Variants in BCAS3 observed in about 807,000 individuals in gnomAD.
BCAS3 encodes the protein BCAS3 microtubule associated cell migration factor, also known as BCAS4/BCAS3 fusion.
In BCAS3, 53 loss-of-function variants were observed where a neutral mutation model predicts 116.1. The observed-to-expected ratio is 0.46, with a 90% confidence interval of 0.37 to 0.57. The LOEUF (loss-of-function observed/expected upper bound fraction) is 0.57, where lower values mean the gene tolerates loss of function less well. Among genes scored for constraint, BCAS3 ranks in the 20% least tolerant of loss-of-function variants. BCAS3 has a pLI of 0.00. For synonymous variants in BCAS3, 391 were observed against 408.2 expected (o/e 0.96, Z 0.51); for missense variants, 917 against 1,165.4 (o/e 0.79, Z 3.10).
Position 61,132,642 on chromosome 17 carries a change from C to T in BCAS3, c.2425+48078C>T, listed in dbSNP as rs544344762. The stretch of plus-strand genomic sequence containing the variant: ...GAGAAAGATAAAGTGCCTTGGAAGC[C>T]GTGAAACATTCTAGGGAGCAAGAGC... On this transcript the variant is annotated intron_variant, in intron 22 of 23. Coordinates refer to ENST00000407086, the MANE Select transcript of BCAS3 (RefSeq NM_017679.5). The surrounding 1 kb of genome is among the most constrained non-coding windows in gnomAD (Gnocchi z 5.1). Among the ~76,000 whole-genome samples the T allele has an allele frequency of 2.0e-5, 3 of 152,280 alleles. No individual in the cohort carries two copies. The highest frequency in any genetic ancestry group is 1.9e-4 in the East Asian group (1 of 5,180).
At chr17:61,207,742 A>G (rs1291177455) in intron 22 of BCAS3, among the ~76,000 whole-genome samples, 1 of 152,120 alleles carries the variant, frequency 6.6e-6, no homozygotes, top group Non-Finnish European at 1.5e-5. Flanking sequence ...AATCCAGAGG[A>G]GAAAATCCGC....
chr17:60,953,450 T>C (rs929621584), intron 14 of BCAS3, among the ~76,000 whole-genome samples: 9 of 152,152 alleles, frequency 5.9e-5, no homozygotes, highest in Non-Finnish European at 1.3e-4. Flanking sequence ...AAAGTTCTTA[T>C]AGATGGTGGA....
Position 61,337,225 on chromosome 17 carries a change from G to A in BCAS3, c.2426-31102G>A, listed in dbSNP as rs1313506864. Reference sequence around the variant, plus strand: ...CGCCTCACCCGAGTGGAACAGGGACGTGAGCCATGTCAGTGTCTGTAAATA... The same window carrying A: ...CGCCTCACCCGAGTGGAACAGGGACATGAGCCATGTCAGTGTCTGTAAATA... On this transcript the variant is annotated intron_variant, in intron 22 of 23. Transcript: ENST00000407086. The surrounding 1 kb of genome is among the most constrained non-coding windows in gnomAD (Gnocchi z 4.8). Among the ~76,000 whole-genome samples, 1 of 152,190 alleles carries A rather than the reference G, an allele frequency of 6.6e-6. No homozygotes were observed. Among genetic ancestry groups the A allele is most frequent in the Non-Finnish European group, 1.5e-5 (1 of 68,040 alleles).
chr17:60,876,908 A>G (rs2055662066), intron 9 of BCAS3, among the ~76,000 whole-genome samples: 2 of 152,122 alleles, frequency 1.3e-5, no homozygotes, highest in Admixed American at 6.5e-5. Context: ...AAAAATATTA[A>G]TGATTTTTTT....
intron 23 of BCAS3, among the ~76,000 whole-genome samples, chr17:61,375,246 G>GTGCGCGCGCGCGCGCGCGCACA (rs1555861734): frequency 1.3e-5 from 2 of 150,664 alleles, no homozygotes; most frequent in African/African-American, 5.0e-5. Flanking sequence ...GTGTGTGTGT[G>GTGCGCGCGCGCGCGCGCGCACA]TGTGTGTGTA....
At chr17:60,928,871 C>T (rs773549653) in intron 13 of BCAS3, among the ~76,000 whole-genome samples, 182 of 152,096 alleles carry the variant, frequency 1.2e-3, no homozygotes, top group Non-Finnish European at 2.4e-3. Flanking sequence ...TTCATATTTA[C>T]TCTTCTAACC....
intron 19 of BCAS3, among the ~76,000 whole-genome samples, chr17:61,069,550 C>T (rs1300216091): frequency 6.6e-6 from 1 of 152,082 alleles, no homozygotes; most frequent in African/African-American, 2.4e-5. Context: ...GAAAGGAAAA[C>T]TTTCAGGCCA....
At chr17:60,776,599 A>G (rs2045310252) in intron 6 of BCAS3, among the ~76,000 whole-genome samples, 1 of 151,766 alleles carries the variant, frequency 6.6e-6, no homozygotes, top group African/African-American at 2.4e-5. Context: ...TGCACCTGTA[A>G]TCCCAGCTAC....
chr17:60,973,582 TATTA>T (rs1264264105), intron 14 of BCAS3, among the ~76,000 whole-genome samples: 4 of 139,616 alleles, frequency 2.9e-5, no homozygotes, highest in African/African-American at 9.4e-5. Flanking sequence ...ATTACCTTAT[TATTA>T]ATATATATAT....
intron 22 of BCAS3, among the ~76,000 whole-genome samples, chr17:61,094,511 C>T (rs1370615335): frequency 6.6e-6 from 1 of 152,106 alleles, no homozygotes; most frequent in Non-Finnish European, 1.5e-5. Flanking sequence ...AATTTGAAAA[C>T]CTTGTATCCA....
chr17:60,704,456 T>C (rs535702077), intron 4 of BCAS3, among the ~76,000 whole-genome samples: 79 of 152,330 alleles, frequency 5.2e-4, no homozygotes, highest in Non-Finnish European at 1.1e-3. Flanking sequence ...CAAGAAGACC[T>C]AGACAGTGGG....
At chr17:60,872,676 A>G (rs910123157) in intron 8 of BCAS3, among the ~76,000 whole-genome samples, 1 of 150,714 alleles carries the variant, frequency 6.6e-6, no homozygotes, top group Non-Finnish European at 1.5e-5. Context: ...ATACACACAT[A>G]CACACACATA....
chr17:60,784,965 C>A (rs1256894099), intron 6 of BCAS3, among the ~76,000 whole-genome samples: 1 of 151,840 alleles, frequency 6.6e-6, no homozygotes, highest in Non-Finnish European at 1.5e-5. Context: ...GGCGTGGTGG[C>A]AGGCGCCTGT....
At chr17:60,784,605 C>T (rs2144507742) in intron 6 of BCAS3, among the ~76,000 whole-genome samples, 1 of 150,134 alleles carries the variant, frequency 6.7e-6, no homozygotes, top group East Asian at 2.0e-4. Context: ...GCCCAGCCAA[C>T]AAAAAATGTT....
intron 19 of BCAS3, among the ~76,000 whole-genome samples, chr17:61,049,730 C>CTTTTTTTTTTTTTTTTTT (rs1027378849): frequency 8.3e-6 from 1 of 120,826 alleles, no homozygotes; most frequent in Non-Finnish European, 1.7e-5. Context: ...CTTTTCTTTT[C>CTTTTTTTTTTTTTTTTTT]TTTTTTTTTT....
Position 61,162,762 on chromosome 17 carries a change from C to T in BCAS3, c.2425+78198C>T, listed in dbSNP as rs1011182477. On this transcript the variant is annotated intron_variant, in intron 22 of 23. Transcript: ENST00000407086. This position sits in a 1 kb window ranked among gnomAD's most constrained non-coding sequence, Gnocchi z 5.6. ...CTTGGGGAGGAGCAACGTCTCCAGC[C>T]GAGGCTGCAACCCGAGGAACCACTC... Among the ~76,000 whole-genome samples the T allele has an allele frequency of 1.3e-5, 2 of 152,084 alleles. No individual in the cohort carries two copies. Among genetic ancestry groups the T allele is most frequent in the Admixed American group, 6.5e-5 (1 of 15,272 alleles).
At chr17:60,872,911 T>C (rs1282333285) in intron 8 of BCAS3, among the ~76,000 whole-genome samples, 1 of 152,098 alleles carries the variant, frequency 6.6e-6, no homozygotes, top group Non-Finnish European at 1.5e-5. Context: ...TGTGGCTGTG[T>C]GTGTGTTTCA....
chr17:61,174,651 C>T (rs1055869772), intron 22 of BCAS3, among the ~76,000 whole-genome samples: 1 of 152,190 alleles, frequency 6.6e-6, no homozygotes, highest in Non-Finnish European at 1.5e-5. Context: ...ACACTAATTT[C>T]CTTTCCTTTC....
At chr17:60,838,732 T>A (rs1265558924) in intron 7 of BCAS3, among the ~76,000 whole-genome samples, 1 of 152,226 alleles carries the variant, frequency 6.6e-6, no homozygotes, top group Admixed American at 6.5e-5. Flanking sequence ...TTGACTTCTA[T>A]ATACCGCCAT....
Sources: allele counts gnomAD v4.1 joint callset (sites outside exome capture counted in the v4.1 genomes callset), GRCh38; gene constraint gnomAD v4.1.1; non-coding constraint Gnocchi (gnomAD v3.1); transcripts MANE v1.5; gene names NCBI Gene and HGNC (gene_info 2026-07-23, HGNC 2026-07-21).